The following MSH3 variants were observed in gnomAD, a reference collection of about 807,000 sequenced individuals.
MSH3 encodes the protein DNA mismatch repair protein Msh3.
A neutral mutation model predicts 123.3 loss-of-function variants in MSH3; 106 were observed. The ratio of observed to expected loss-of-function variants is 0.86; its 90% CI spans 0.73 to 1.01. The LOEUF (loss-of-function observed/expected upper bound fraction) is 1.01, where lower values mean the gene tolerates loss of function less well. Among genes scored for constraint, MSH3 ranks in the 50% least tolerant of loss-of-function variants. MSH3 has a pLI of 0.00. For synonymous variants in MSH3, 515 were observed against 481.4 expected (o/e 1.07, Z -0.91); for missense variants, 1,459 against 1,347.6 (o/e 1.08, Z -1.29).
At chr5:80,790,005 T>C (rs1744581347) in intron 18 of MSH3, among the ~76,000 whole-genome samples, 1 of 152,188 alleles carries the variant, frequency 6.6e-6, no homozygotes, top group Non-Finnish European at 1.5e-5. Flanking sequence ...AGTGAGGGTA[T>C]GAGAAAACAA....
chr5:80,838,047 G>T (rs1161257351), intron 20 of MSH3, among the ~76,000 whole-genome samples: 1 of 152,194 alleles, frequency 6.6e-6, no homozygotes, highest in Non-Finnish European at 1.5e-5. Context: ...CAGCTGGGGA[G>T]AAAGTCTCTA....
chr5:80,724,791 G>T (rs1286729358), intron 8 of MSH3, among the ~76,000 whole-genome samples: 1 of 152,146 alleles, frequency 6.6e-6, no homozygotes, highest in Admixed American at 6.5e-5. Context: ...AAATCAAAAT[G>T]ATGCTTTTCA....
rs1371869316 is a variant in MSH3, at chr5:80,679,695, T to C, written c.1340+602T>C. On this transcript the variant is annotated intron_variant, in intron 8 of 23. Coordinates refer to ENST00000265081, the MANE Select transcript of MSH3 (RefSeq NM_002439.5). ...GCGCTGTGCGTACAGAGGAAGAAGA[T>C]GTGGTTATGATATATGTCTGGCAGA... 3.3e-5 allele frequency among the ~76,000 whole-genome samples: 5 copies of C among 152,264 alleles called. No individual in the cohort carries two copies. The East Asian group carries it at 9.7e-4, about 29-fold the overall frequency.
At chr5:80,744,155 CTG>C (rs1417503265) in intron 11 of MSH3, among the ~76,000 whole-genome samples, 1 of 152,156 alleles carries the variant, frequency 6.6e-6, no homozygotes, top group Non-Finnish European at 1.5e-5. Flanking sequence ...AAAATGGTAA[CTG>C]TGAAATACCA....
chr5:80,872,226 T>G (rs1376262936), intron 22 of MSH3, among the ~76,000 whole-genome samples: 1 of 152,128 alleles, frequency 6.6e-6, no homozygotes, highest in Non-Finnish European at 1.5e-5. Flanking sequence ...TCCCAGCACT[T>G]TGGGAGGCCA....
At chr5:80,731,365 G>A (rs1192558546) in intron 10 of MSH3, among the ~76,000 whole-genome samples, 1 of 152,114 alleles carries the variant, frequency 6.6e-6, no homozygotes, top group African/African-American at 2.4e-5. Flanking sequence ...GTGGAGGATG[G>A]TCAGGAAACT....
At chr5:80,721,569 C>T (rs1751078012) in intron 8 of MSH3, among the ~76,000 whole-genome samples, 1 of 152,220 alleles carries the variant, frequency 6.6e-6, no homozygotes, top group African/African-American at 2.4e-5. Flanking sequence ...CTTCTTCTCA[C>T]ATGGTTGCTG....
At chr5:80,784,606 T>C (rs1168586964) in intron 17 of MSH3, among the ~76,000 whole-genome samples, 1 of 152,188 alleles carries the variant, frequency 6.6e-6, no homozygotes, top group Non-Finnish European at 1.5e-5. Context: ...ATTAAGCTAT[T>C]GACTATAGTA....
In MSH3 at chr5:80,749,237, G is replaced by A. The variant is rs1288053908; in HGVS notation, c.1763+4622G>A. 2.0e-5 allele frequency among the ~76,000 whole-genome samples: 3 copies of A among 152,304 alleles called. No individual in the cohort carries two copies. The East Asian group carries it at 5.8e-4, about 29-fold the overall frequency. ...TGAATCCCAAAACCTCAAAAGTAGG[G>A]AAGCCAACAGTGCAGCCTTCAGTTT... On this transcript the variant is annotated intron_variant, in intron 12 of 23. Transcript: ENST00000265081.
intron 20 of MSH3, among the ~76,000 whole-genome samples, chr5:80,823,850 G>C (rs373167950): frequency 1.6e-4 from 24 of 152,122 alleles, no homozygotes; most frequent in African/African-American, 5.1e-4. Context: ...GCGGCCTTCC[G>C]CAGTGTTTGT....
chr5:80,772,306 A>C (rs1744226279), intron 15 of MSH3, among the ~76,000 whole-genome samples: 1 of 152,222 alleles, frequency 6.6e-6, no homozygotes, highest in Non-Finnish European at 1.5e-5. Flanking sequence ...AGTACTTTTT[A>C]CTTAGATTTA....
chr5:80,715,628 C>G (rs1207445500), intron 8 of MSH3, among the ~76,000 whole-genome samples: 3 of 152,110 alleles, frequency 2.0e-5, no homozygotes, highest in Middle Eastern at 3.4e-3. Context: ...TTAATTGGTT[C>G]AGGGTTCCAT....
chr5:80,816,811 T>G (rs976352647), intron 20 of MSH3, among the ~76,000 whole-genome samples: 3 of 152,182 alleles, frequency 2.0e-5, no homozygotes, highest in African/African-American at 7.2e-5. Flanking sequence ...GAGATGACAT[T>G]GAGTTTGTGC....
chr5:80,867,869 G>A (rs1056835938), intron 22 of MSH3, among the ~76,000 whole-genome samples: 5 of 152,046 alleles, frequency 3.3e-5, no homozygotes, highest in Admixed American at 6.5e-5. Flanking sequence ...CATTCTGTAC[G>A]TTGCCTGTTT....
intron 4 of MSH3, 131 bp downstream of exon 4, chr5:80,670,440 A>T: frequency 1.0e-6 from 1 of 987,866 alleles, no homozygotes; most frequent in South Asian, 1.5e-5. Flanking sequence ...AAATACTGTT[A>T]TGTAAAGTAA....
intron 10 of MSH3, among the ~76,000 whole-genome samples, chr5:80,739,463 G>A (rs1291812883): frequency 6.6e-6 from 1 of 152,222 alleles, no homozygotes; most frequent in Non-Finnish European, 1.5e-5. Flanking sequence ...TAGGAAGATG[G>A]CAGATATTTG....
At chr5:80,775,793 T>C in intron 16 of MSH3, 35 bp downstream of exon 16, 1 of 1,143,994 alleles carries the variant, frequency 8.7e-7, no homozygotes, top group Non-Finnish European at 1.3e-6. Flanking sequence ...TTACAATGCA[T>C]TATGATGACA....
intron 8 of MSH3, among the ~76,000 whole-genome samples, chr5:80,695,727 G>A (rs185906636): frequency 1.4e-4 from 21 of 152,182 alleles, no homozygotes; most frequent in Admixed American, 8.5e-4. Flanking sequence ...GTGTGTAATT[G>A]CTGTTAAAAC....
intron 2 of MSH3, among the ~76,000 whole-genome samples, chr5:80,660,818 A>C (rs1240211099): frequency 6.6e-6 from 1 of 152,074 alleles, no homozygotes; most frequent in African/African-American, 2.4e-5. Flanking sequence ...CCCACACCCG[A>C]GACAGCCTGT....
Sources: allele counts gnomAD v4.1 joint callset (sites outside exome capture counted in the v4.1 genomes callset), GRCh38; gene constraint gnomAD v4.1.1; transcripts MANE v1.5; gene names NCBI Gene and HGNC (gene_info 2026-07-23, HGNC 2026-07-21).